Variants in C5 observed in about 807,000 individuals in gnomAD.
C5 encodes the protein C3 and PZP-like alpha-2-macroglobulin domain-containing protein 4.
C5 carries 140 observed loss-of-function variants against 218.8 expected under a neutral mutation model. That is an observed-to-expected ratio of 0.64 (90% CI 0.56 to 0.74). The LOEUF (loss-of-function observed/expected upper bound fraction) is 0.74, where lower values mean the gene tolerates loss of function less well. C5 is among the 30% of genes least tolerant of loss of function. The probability of loss-of-function intolerance (pLI) is 0.00; values close to 1 mark genes in which losing one functional copy is unlikely to be tolerated. For missense variants in C5, 1,700 were observed against 1,969.6 expected (o/e 0.86, Z 2.59); for synonymous variants, 614 against 682.3 (o/e 0.90, Z 1.56).
chr9:121,027,981 T>C lies in C5; in HGVS notation c.759-707A>G, dbSNP rs563321860. Among the ~76,000 whole-genome samples the C allele has an allele frequency of 6.6e-5, 10 of 152,152 alleles. No homozygotes were observed. In the South Asian group the frequency reaches 1.9e-3, roughly 28 times the overall value. On this transcript the variant is annotated intron_variant, in intron 7 of 40. Transcript: ENST00000223642. ...CTAATATCCAGAATCTACAAAGAAC[T>C]TAAACAAATTTACAAGAAAAAAACA...
chr9:121,062,667 T>G, the C5 span, among the ~76,000 whole-genome samples: 1 of 152,330 alleles, frequency 6.6e-6, no homozygotes, highest in Admixed American at 6.5e-5. Context: ...TGATCATTAG[T>G]GCTACGGTCT....
At chr9:120,977,612 G>A (rs1334359147) in intron 28 of C5, among the ~76,000 whole-genome samples, 1 of 152,114 alleles carries the variant, frequency 6.6e-6, no homozygotes, top group Non-Finnish European at 1.5e-5. Context: ...GTGCCACCAT[G>A]CCAGGTTATG....
At chr9:120,966,211 A>G (rs938806757) in intron 33 of C5, among the ~76,000 whole-genome samples, 24 of 152,340 alleles carry the variant, frequency 1.6e-4, no homozygotes, top group Admixed American at 5.2e-4. Flanking sequence ...TTTGTCCCCA[A>G]TTTGTAAAAA....
chr9:121,006,765 G>A, intron 19 of C5, 139 bp downstream of exon 19: 1 of 657,772 alleles, frequency 1.5e-6, no homozygotes, highest in Middle Eastern at 4.0e-4. Flanking sequence ...CAAGTCTTTT[G>A]GTAATACATA....
In C5 at chr9:121,036,115, C is replaced by T. The variant is rs139737802; in HGVS notation, c.493-1221G>A. On this transcript the variant is annotated intron_variant, in intron 4 of 40. Transcript: ENST00000223642. ...AAGCAAAAAATCTTAGCACCATTTA[C>T]CATGACTGAAATTCACAGTTGGATT... is the stretch of plus-strand genomic sequence containing the variant. 8.6e-3 allele frequency among the ~76,000 whole-genome samples: 1,309 copies of T among 152,186 alleles called. 10 individuals carry two copies. Among genetic ancestry groups the T allele is most frequent in the Non-Finnish European group, 0.015 (1,009 of 68,012 alleles).
chr9:120,955,933 G>C (rs1375089432), intron 39 of C5, among the ~76,000 whole-genome samples: 1 of 151,928 alleles, frequency 6.6e-6, no homozygotes, highest in Non-Finnish European at 1.5e-5. Context: ...TTTCAAAAGA[G>C]AAAAAAATTT....
At chr9:121,035,234 A>T (rs1335406995) in intron 4 of C5, among the ~76,000 whole-genome samples, 1 of 152,234 alleles carries the variant, frequency 6.6e-6, no homozygotes, top group Non-Finnish European at 1.5e-5. Context: ...GTTTTTGATA[A>T]ACTAAATGTG....
chr9:121,040,664 T>C (rs1273301684), intron 3 of C5, among the ~76,000 whole-genome samples: 1 of 152,220 alleles, frequency 6.6e-6, no homozygotes. Context: ...GCTTTACACA[T>C]ACTAATTCAG....
chr9:120,985,507 A>G (rs2047026531), intron 25 of C5, among the ~76,000 whole-genome samples: 1 of 152,240 alleles, frequency 6.6e-6, no homozygotes, highest in African/African-American at 2.4e-5. Context: ...GAAGATGTTC[A>G]TTATCATATT....
At chr9:121,037,012 T>C (rs1223670653) in intron 4 of C5, among the ~76,000 whole-genome samples, 42 of 151,962 alleles carry the variant, frequency 2.8e-4, no homozygotes, top group Non-Finnish European at 1.8e-4. Context: ...GTGTTTGGGG[T>C]ATGTGACACA....
chr9:121,046,289 T>C lies in C5; in HGVS notation c.160A>G (p.Ile54Val). ...TTATCAGGATAACTTTTAATAGAGA[T>C]TGTTGCATCAAATGCTTCAGTGTAT... is the stretch of plus-strand genomic sequence containing the variant. ...YGYTEAFDAT[I>V]SIKSYPDKKF... The change falls in exon 2 of 41, where the codon ATC (isoleucine) becomes GTC (valine). Residue 54 changes from isoleucine (I) to valine (V), a missense_variant. By Grantham distance (29) the Ile-to-Val change is conservative. Coordinates refer to ENST00000223642, the MANE Select transcript of C5 (RefSeq NM_001735.3). 1.9e-6 allele frequency: 3 copies of C among 1,607,726 alleles called. No homozygotes were observed. Among genetic ancestry groups the C allele is most frequent in the East Asian group, 4.5e-5 (2 of 44,688 alleles).
intron 2 of C5, among the ~76,000 whole-genome samples, chr9:121,044,408 G>A (rs866083600): frequency 4.6e-5 from 7 of 152,074 alleles, no homozygotes; most frequent in Admixed American, 4.6e-4. Context: ...CCTGGGAGGC[G>A]AAGGCTGCAG....
At position 120,970,204 on chromosome 9, in the gene C5, G is replaced by C; in HGVS notation, c.4128C>G (p.Ser1376Arg). ...HKTSTSEEVC[S>R]FYLKIDTQDI... Reference sequence around the variant, plus strand: ...CCTGAGTATCGATTTTCAAATAAAAGCTGCAAACTTCCTCAGAGGTACTGG... The same window carrying C: ...CCTGAGTATCGATTTTCAAATAAAACCTGCAAACTTCCTCAGAGGTACTGG... The change falls in exon 32 of 41, where the codon AGC (serine) becomes AGG (arginine). Residue 1376 changes from serine to arginine, a missense_variant. Transcript: ENST00000223642. The C allele has an allele frequency of 6.2e-7, 1 of 1,613,408 alleles. No individual in the cohort carries two copies. Among genetic ancestry groups the C allele is most frequent in the Non-Finnish European group, 8.5e-7 (1 of 1,179,464 alleles).
chr9:121,022,490 T>A (rs1472806692), intron 10 of C5, among the ~76,000 whole-genome samples: 1 of 148,750 alleles, frequency 6.7e-6, no homozygotes, highest in Non-Finnish European at 1.5e-5. Context: ...ATAGTATATA[T>A]ATGTAAGAAC....
At chr9:121,004,134 G>A (rs1260679637) in intron 20 of C5, among the ~76,000 whole-genome samples, 1 of 152,104 alleles carries the variant, frequency 6.6e-6, no homozygotes, top group African/African-American at 2.4e-5. Context: ...CTCCCAAAGT[G>A]CTGAGATTAT....
intron 8 of C5, among the ~76,000 whole-genome samples, chr9:121,026,350 T>C (rs2047423355): frequency 6.6e-6 from 1 of 152,132 alleles, no homozygotes; most frequent in African/African-American, 2.4e-5. Context: ...CCCTAAACTA[T>C]GGACAAATAA....
chr9:120,974,120 C>T (rs779455728), intron 30 of C5, among the ~76,000 whole-genome samples: 3 of 152,138 alleles, frequency 2.0e-5, no homozygotes, highest in Admixed American at 1.3e-4. Flanking sequence ...AAATATGTAT[C>T]AGCAGCTATA....
the C5 span, among the ~76,000 whole-genome samples, chr9:121,062,266 C>T: frequency 6.6e-6 from 1 of 152,176 alleles, no homozygotes; most frequent in Non-Finnish European, 1.5e-5. Context: ...TCTGTGTTCA[C>T]AGGGTATTGT....
rs762749415 is a variant in C5 at position 120,989,554 on chromosome 9, C to CT, written c.3154+13dup. The CT allele has an allele frequency of 0.01, 11,173 of 1,114,446 alleles. No individual in the cohort carries two copies. Among genetic ancestry groups the CT allele is most frequent in the Non-Finnish European group, 0.012 (9,207 of 794,672 alleles). 69.0% of individuals were successfully genotyped at this position (1,114,446 alleles called of 1,614,324 possible). The stretch of plus-strand genomic sequence containing the variant: ...AATCACCCAATTTTTATGTGAAATA[C>CT]TTTTTTTTTTTACCTTCTTTTAATT... On this transcript the variant is annotated intron_variant, in intron 24 of 40. Coordinates refer to ENST00000223642, the MANE Select transcript of C5 (RefSeq NM_001735.3).
Sources: gnomAD v4.1 joint callset for allele counts (sites outside exome capture counted in the v4.1 genomes callset) on GRCh38, gnomAD v4.1.1 for gene constraint, MANE v1.5 for transcripts, NCBI Gene and HGNC (gene_info 2026-07-23, HGNC 2026-07-21) for gene names.